The following MSI2 variants were observed in gnomAD, a reference collection of about 807,000 sequenced individuals.
MSI2 encodes RNA-binding protein Musashi homolog 2.
In MSI2, 17 loss-of-function variants were observed where a neutral mutation model predicts 45.6. The ratio of observed to expected loss-of-function variants is 0.37; its 90% confidence interval spans 0.26 to 0.56. The LOEUF (loss-of-function observed/expected upper bound fraction) is 0.56. Ranked by LOEUF, MSI2 falls within the 20% of genes least tolerant of loss-of-function variation. The pLI is 0.77. For missense variants in MSI2, 293 were observed against 444.2 expected, an observed-to-expected ratio of 0.66 and a Z score of 3.06; for synonymous variants, 156 against 158.2, an observed-to-expected ratio of 0.99 and a Z score of 0.11.
At chr17:57,443,418 C>T (rs2084837879) in intron 6 of MSI2, among the ~76,000 whole-genome samples, 1 of 152,206 alleles carries the variant, frequency 6.6e-6, no homozygotes, top group African/African-American at 2.4e-5. Context: ...GCAGGAACTG[C>T]CTCTCCTCGG....
intron 6 of MSI2, among the ~76,000 whole-genome samples, chr17:57,427,246 A>G (rs1483179040): frequency 1.3e-5 from 2 of 149,892 alleles, no homozygotes; most frequent in South Asian, 2.1e-4. Flanking sequence ...AAAATACAAA[A>G]ATTAGCTGAG....
chr17:57,667,637 T>C (rs1912467245), intron 11 of MSI2, among the ~76,000 whole-genome samples: 1 of 152,198 alleles, frequency 6.6e-6, no homozygotes, highest in Non-Finnish European at 1.5e-5. Flanking sequence ...CTCAGGGCCC[T>C]TGGGGGTTGA....
At chr17:57,660,407 A>G (rs1911907388) in intron 11 of MSI2, among the ~76,000 whole-genome samples, 1 of 152,194 alleles carries the variant, frequency 6.6e-6, no homozygotes, top group Non-Finnish European at 1.5e-5. Flanking sequence ...TCCCAAAGGA[A>G]AACCTGCATG....
intron 3 of MSI2, 87 bp downstream of exon 3, chr17:57,257,634 G>A (rs907409983): frequency 5.3e-6 from 5 of 947,476 alleles, no homozygotes; most frequent in Non-Finnish European, 3.3e-6. Context: ...GTAGCTAAGC[G>A]GATTAGAATG....
intron 8 of MSI2, among the ~76,000 whole-genome samples, chr17:57,604,516 G>T (rs576901609): frequency 6.6e-6 from 1 of 152,118 alleles, no homozygotes; most frequent in African/African-American, 2.4e-5. Context: ...AGGAGGTGGT[G>T]CACCTCCCAA....
intron 5 of MSI2, among the ~76,000 whole-genome samples, chr17:57,375,001 C>A (rs2143985272): frequency 6.6e-6 from 1 of 152,280 alleles, no homozygotes; most frequent in African/African-American, 2.4e-5. Context: ...GATCGAACAT[C>A]ATTATTTGCT....
At chr17:57,508,653 T>C (rs2086287460) in intron 6 of MSI2, among the ~76,000 whole-genome samples, 1 of 152,208 alleles carries the variant, frequency 6.6e-6, no homozygotes, top group African/African-American at 2.4e-5. Flanking sequence ...GAAAGTGATG[T>C]TTTGGTTCAG....
chr17:57,475,923 TAA>T (rs1258564023), intron 6 of MSI2, among the ~76,000 whole-genome samples: 1 of 152,208 alleles, frequency 6.6e-6, no homozygotes, highest in African/African-American at 2.4e-5. Flanking sequence ...AATCCTTGGT[TAA>T]GTCTTTAGAC....
At chr17:57,289,369 T>C (rs1450063617) in intron 5 of MSI2, among the ~76,000 whole-genome samples, 2 of 152,184 alleles carry the variant, frequency 1.3e-5, no homozygotes, top group Non-Finnish European at 2.9e-5. Context: ...AGGAGTTTGG[T>C]TGCAAGCTCC....
intron 6 of MSI2, among the ~76,000 whole-genome samples, chr17:57,470,325 T>A (rs182611410): frequency 2.2e-4 from 33 of 152,290 alleles, no homozygotes; most frequent in Non-Finnish European, 5.9e-5. Flanking sequence ...CCACCCAGGC[T>A]GGAGTGCAAT....
chr17:57,416,837 C>T (rs965815725), intron 6 of MSI2, among the ~76,000 whole-genome samples: 3 of 152,168 alleles, frequency 2.0e-5, no homozygotes, highest in Non-Finnish European at 2.9e-5. Flanking sequence ...GGAAGAAGGT[C>T]TCTTATCAGC....
At chr17:57,673,283 G>A (rs111998822) in intron 11 of MSI2, among the ~76,000 whole-genome samples, 2 of 152,336 alleles carry the variant, frequency 1.3e-5, no homozygotes, top group East Asian at 1.9e-4. Context: ...AGAACTGAGG[G>A]CCTCAAATCA....
In MSI2 at chr17:57,401,569, C is replaced by T. The variant is rs113989887; in HGVS notation, c.405+98C>T. Reference sequence around the variant, plus strand: ...CCCCCGCCCCTGCTACAGCTGTGTCCTCAAGAACCTTGTCCTTGAACCTGG... The same window carrying T: ...CCCCCGCCCCTGCTACAGCTGTGTCTTCAAGAACCTTGTCCTTGAACCTGG... On this transcript the variant is annotated intron_variant, in intron 6 of 13. Transcript: ENST00000284073. 1.9e-5 allele frequency: 16 copies of T among 862,900 alleles called. 1 individual carries two copies. The South Asian group carries it at 1.9e-4, about 10-fold the overall frequency. 53.5% of individuals were successfully genotyped at this position (862,900 alleles called of 1,614,324 possible). A position where few individuals can be genotyped will look rare whatever the true frequency, so the allele number is the denominator to read the frequency against.
chr17:57,505,073 G>GGTCA (rs1208787639), intron 6 of MSI2, among the ~76,000 whole-genome samples: 1 of 152,140 alleles, frequency 6.6e-6, no homozygotes, highest in Non-Finnish European at 1.5e-5. Flanking sequence ...AGGAGGTTGG[G>GGTCA]GTCACTAGTT....
rs1910712874 is a variant in MSI2 at position 57,294,057 on chromosome 17, G to T, written c.312+31865G>T. Among the ~76,000 whole-genome samples, 10 of 152,140 alleles carry T rather than the reference G, an allele frequency of 6.6e-5. 1 individual carries two copies. In the South Asian group the frequency reaches 2.1e-3, roughly 32 times the overall value. ...CATCTCTGTGGTACTGTCTCTCCAG[G>T]GTAGTGTGGGATTTAGAGGAGAGGG... is the stretch of plus-strand genomic sequence containing the variant. On this transcript the variant is annotated intron_variant, in intron 5 of 13. Coordinates refer to ENST00000284073, the MANE Select transcript of MSI2 (RefSeq NM_138962.4).
chr17:57,588,105 G>A (rs1904478815), intron 7 of MSI2, among the ~76,000 whole-genome samples: 1 of 152,104 alleles, frequency 6.6e-6, no homozygotes, highest in African/African-American at 2.4e-5. Flanking sequence ...CTTATTTTGG[G>A]GGGAGGGAGG....
chr17:57,634,294 C>CATCT (rs1171520086), intron 10 of MSI2, among the ~76,000 whole-genome samples: 1 of 152,132 alleles, frequency 6.6e-6, no homozygotes, highest in African/African-American at 2.4e-5. Context: ...GGTGAAACCC[C>CATCT]ATCTCTACTA....
chr17:57,564,334 G>T (rs548905515), intron 7 of MSI2, among the ~76,000 whole-genome samples: 10 of 152,370 alleles, frequency 6.6e-5, no homozygotes, highest in African/African-American at 2.4e-4. Flanking sequence ...GCCGTGGCTT[G>T]CATCCTCTGC....
rs570808779 is a variant in MSI2, at chr17:57,613,419, C to T, written c.538-2551C>T. ...AACACACTTTTTCATAGCTGCATAG[C>T]ATTCAATCAGTGTGGATAATCCAAA... On this transcript the variant is annotated intron_variant, in intron 8 of 13. Coordinates refer to ENST00000284073, the MANE Select transcript of MSI2 (RefSeq NM_138962.4). Among the ~76,000 whole-genome samples the T allele has an allele frequency of 2.6e-5, 4 of 152,266 alleles. No homozygotes were observed. In the South Asian group the frequency reaches 8.3e-4, roughly 32 times the overall value.
Sources: gnomAD v4.1 joint callset for allele counts (sites outside exome capture counted in the v4.1 genomes callset) on GRCh38, gnomAD v4.1.1 for gene constraint, MANE v1.5 for transcripts, NCBI Gene and HGNC (gene_info 2026-07-23, HGNC 2026-07-21) for gene names.